FBXO32: variants seen among roughly 807,000 people sequenced by gnomAD.
FBXO32 encodes the protein F-box only protein 32.
A neutral mutation model predicts 48.3 loss-of-function variants in FBXO32; 15 were observed. The observed-to-expected ratio is 0.31, with a 90% CI of 0.21 to 0.48. FBXO32 has a LOEUF of 0.48. FBXO32 is among the 20% of genes least tolerant of loss of function. The pLI is 0.99. For missense variants in FBXO32, 309 were observed against 432.7 expected (o/e 0.71, Z 2.54); for synonymous variants, 154 against 165.9 (o/e 0.93, Z 0.55).
intron 1 of FBXO32, among the ~76,000 whole-genome samples, chr8:123,539,175 C>T (rs1158006250): frequency 5.3e-5 from 8 of 152,126 alleles, no homozygotes; most frequent in Admixed American, 5.2e-4. Flanking sequence ...AAATCTTCTG[C>T]TGAACTCAAT....
chr8:123,522,292 T>A (rs909893941), intron 4 of FBXO32, among the ~76,000 whole-genome samples: 4 of 145,800 alleles, frequency 2.7e-5, no homozygotes, highest in Non-Finnish European at 6.0e-5. Flanking sequence ...CACTGCAACC[T>A]CTGCCTTTTG....
Position 123,541,020 on chromosome 8 carries a change from C to A in FBXO32, c.-6G>T, listed in dbSNP as rs774281173. 3.1e-6 allele frequency: 5 copies of A among 1,599,148 alleles called. No individual in the cohort carries two copies. The Middle Eastern group carries it at 6.7e-4, about 215-fold the overall frequency. ...TCCTGCCCGAGGAATGGCATGGCAC[C>A]GCGAGCGGACTAGACGGATGGGGAG... On this transcript the variant is annotated 5_prime_UTR_variant, in exon 1 of 9. Coordinates refer to ENST00000517956, the MANE Select transcript of FBXO32 (RefSeq NM_058229.4).
chr8:123,534,900 A>AT, intron 1 of FBXO32, 86 bp from the exon 2 acceptor site: 1 of 746,940 alleles, frequency 1.3e-6, no homozygotes, highest in Non-Finnish European at 2.2e-6. Flanking sequence ...ACTGAGTTAT[A>AT]AGACAAACAA....
At chr8:123,514,870 A>G (rs540328038) in intron 4 of FBXO32, among the ~76,000 whole-genome samples, 110 of 152,338 alleles carry the variant, frequency 7.2e-4, no homozygotes, top group Admixed American at 2.0e-3. Context: ...AGACTCTTTC[A>G]CTGCACTTAC....
At chr8:123,530,972 ATTTTTTTT>A (rs35151201) in intron 4 of FBXO32, among the ~76,000 whole-genome samples, 1 of 69,004 alleles carries the variant, frequency 1.4e-5, no homozygotes, top group African/African-American at 7.2e-5. Context: ...ATCCAGTCAG[ATTTTTTTT>A]TTTTTTTTTT....
At position 123,525,453 on chromosome 8, in the gene FBXO32, T is replaced by C. The variant is rs373676908; in HGVS notation, c.372+6445A>G. Among the ~76,000 whole-genome samples the C allele has an allele frequency of 1.6e-4, 24 of 152,354 alleles. No homozygotes were observed. The South Asian group carries it at 5.0e-3, about 32-fold the overall frequency. The stretch of plus-strand genomic sequence containing the variant: ...AGTTACTGTAGACTTGGGCTTATTC[T>C]CATTCTACAGAGAGAGCTAGGAGTA... On this transcript the variant is annotated intron_variant, in intron 4 of 8. Coordinates refer to ENST00000517956, the MANE Select transcript of FBXO32 (RefSeq NM_058229.4). The surrounding 1 kb of genome is among the most constrained non-coding windows in gnomAD (Gnocchi z 4.3).
chr8:123,506,649 C>T lies in FBXO32; in HGVS notation c.652-75G>A, dbSNP rs2130503122. 1 of 1,302,442 alleles carries T rather than the reference C, an allele frequency of 7.7e-7. No individual in the cohort carries two copies. Among genetic ancestry groups the T allele is most frequent in the South Asian group, 1.4e-5 (1 of 70,424 alleles). The allele number at this position is 1,302,442 out of a possible 1,614,324, so 80.7% of individuals were successfully genotyped here. On this transcript the variant is annotated intron_variant, in intron 6 of 8. Transcript: ENST00000517956. This position sits in a 1 kb window ranked among gnomAD's most constrained non-coding sequence, Gnocchi z 4.0. ...CACCAGGCCACACCCTCCAGGCATG[C>T]AGCTGTGCCCGTCCTCCACCCTCAA... is the stretch of plus-strand genomic sequence containing the variant.
chr8:123,510,768 T>G (rs908127027), intron 6 of FBXO32, among the ~76,000 whole-genome samples: 2 of 152,264 alleles, frequency 1.3e-5, no homozygotes, highest in East Asian at 1.9e-4. Context: ...ATTTACTGAC[T>G]GTCTCCGGCT....
At chr8:123,521,978 T>A (rs2130534596) in intron 4 of FBXO32, among the ~76,000 whole-genome samples, 1 of 152,280 alleles carries the variant, frequency 6.6e-6, no homozygotes. Context: ...ACCTGGAAAG[T>A]TTTGTTCTGA....
At position 123,528,810 on chromosome 8, in the gene FBXO32, T is replaced by C. The variant is rs1228373936; in HGVS notation, c.372+3088A>G. ...ATAACAGATTTTCAGAAAATGTATT[T>C]GGCTCTCAAGGCTTTGAATGTTTTT... On this transcript the variant is annotated intron_variant, in intron 4 of 8. Coordinates refer to ENST00000517956, the MANE Select transcript of FBXO32 (RefSeq NM_058229.4). 2.0e-5 allele frequency among the ~76,000 whole-genome samples: 3 copies of C among 152,230 alleles called. No homozygotes were observed. In the East Asian group the frequency reaches 5.8e-4, roughly 29 times the overall value.
At chr8:123,504,151 T>C (rs1363122939) in intron 8 of FBXO32, among the ~76,000 whole-genome samples, 3 of 152,098 alleles carry the variant, frequency 2.0e-5, no homozygotes, top group Non-Finnish European at 2.9e-5. Context: ...GGAATGGTTC[T>C]AGCATAAATA....
chr8:123,513,134 G>T lies in FBXO32; in HGVS notation c.651+64C>A. On this transcript the variant is annotated intron_variant, in intron 6 of 8. Transcript: ENST00000517956. This position sits in a 1 kb window ranked among gnomAD's most constrained non-coding sequence, Gnocchi z 4.3. Reference sequence around the variant, plus strand: ...ACAGGAGTGAATTCAAAGTCTTGGCGAGTCTGTCCAGTATCCCTGTGGAGG... The same window carrying T: ...ACAGGAGTGAATTCAAAGTCTTGGCTAGTCTGTCCAGTATCCCTGTGGAGG... 6.5e-7 allele frequency: 1 copy of T among 1,528,904 alleles called. No individual in the cohort carries two copies. The highest frequency in any genetic ancestry group is 1.1e-5 in the South Asian group (1 of 87,412). 94.7% of individuals were successfully genotyped at this position (1,528,904 alleles called of 1,614,324 possible).
Position 123,504,621 on chromosome 8 carries a change from G to T in FBXO32, c.961C>A (p.His321Asn). 1 of 1,613,452 alleles carries T rather than the reference G, an allele frequency of 6.2e-7. No homozygotes were observed. The highest frequency in any genetic ancestry group is 1.1e-5 in the South Asian group (1 of 90,950). ...GDTLQLCKHC[H>N]ILSWKGTDHP... ...ACACATACCTTCCAGGAAAGGATGT[G>T]ACAGTGTTTGCAGAGCTGAAGGGTA... The change falls in exon 8 of 9, where the codon CAC becomes AAC. Residue 321 changes from histidine (H) to asparagine (N), a missense_variant. By Grantham distance (68) the His-to-Asn change is moderately conservative. Transcript: ENST00000517956.
rs1816398842 is a variant in FBXO32 at position 123,498,250 on chromosome 8, C to T, written c.*5123G>A. 6.6e-6 allele frequency: 1 copy of T among 152,204 alleles called. No individual in the cohort carries two copies. The highest frequency in any genetic ancestry group is 2.4e-5 in the African/African-American group (1 of 41,446). 9.4% of individuals were successfully genotyped at this position (152,204 alleles called of 1,614,324 possible). A position where few individuals can be genotyped will look rare whatever the true frequency, so the allele number is the denominator to read the frequency against. ...CCCAAGTATAGAATACAGCTTGGAG[C>T]CTTCTGCTTAACAGACTTGTGCTTC... On this transcript the variant is annotated 3_prime_UTR_variant, in exon 9 of 9. Coordinates refer to ENST00000517956, the MANE Select transcript of FBXO32 (RefSeq NM_058229.4).
At chr8:123,509,498 G>A (rs1475819289) in intron 6 of FBXO32, among the ~76,000 whole-genome samples, 12 of 151,958 alleles carry the variant, frequency 7.9e-5, no homozygotes, top group South Asian at 2.1e-4. Context: ...CCAAAAGTTC[G>A]AGATCAGCCT....
At chr8:123,507,525 C>T (rs1311859509) in intron 6 of FBXO32, among the ~76,000 whole-genome samples, 1 of 151,614 alleles carries the variant, frequency 6.6e-6, no homozygotes, top group East Asian at 1.9e-4. Context: ...TTGGCCCAAG[C>T]TCCACCATCC....
At chr8:123,509,860 C>T (rs1471848973) in intron 6 of FBXO32, among the ~76,000 whole-genome samples, 1 of 152,218 alleles carries the variant, frequency 6.6e-6, no homozygotes, top group Non-Finnish European at 1.5e-5. Context: ...AGCACAGCCT[C>T]TGTGGACAGG....
At chr8:123,537,632 A>G (rs1365338287) in intron 1 of FBXO32, among the ~76,000 whole-genome samples, 1 of 152,182 alleles carries the variant, frequency 6.6e-6, no homozygotes, top group Non-Finnish European at 1.5e-5. Context: ...TTTCTACACC[A>G]ATTTACTGAC....
chr8:123,540,954 C>T lies in FBXO32; in HGVS notation c.61G>A (p.Gly21Ser). The T allele has an allele frequency of 6.2e-7, 1 of 1,613,456 alleles. No homozygotes were observed. Among genetic ancestry groups the T allele is most frequent in the Non-Finnish European group, 8.5e-7 (1 of 1,179,730 alleles). Reference sequence around the variant, plus strand: ...TTCTCATCCAGGAAGCGCTTCCAGCCGTCGGCCGTCTTCACCCAGTTCTGC... The same window carrying T: ...TTCTCATCCAGGAAGCGCTTCCAGCTGTCGGCCGTCTTCACCCAGTTCTGC... Reference protein sequence around the residue: ...PGQNWVKTADGWKRFLDEKSG... With the variant: ...PGQNWVKTADSWKRFLDEKSG... Residue 21 changes from glycine to serine, a missense_variant, in exon 1 of 9, where the codon GGC (glycine) becomes AGC (serine). Coordinates refer to ENST00000517956, the MANE Select transcript of FBXO32 (RefSeq NM_058229.4). This position sits in a 1 kb window ranked among gnomAD's most constrained non-coding sequence, Gnocchi z 6.4.
Sources: gnomAD v4.1 joint callset for allele counts (sites outside exome capture counted in the v4.1 genomes callset) on GRCh38, gnomAD v4.1.1 for gene constraint, Gnocchi (gnomAD v3.1) non-coding constraint, MANE v1.5 for transcripts, NCBI Gene and HGNC (gene_info 2026-07-23, HGNC 2026-07-21) for gene names.